The following P3H2 variants were observed in gnomAD, a reference collection of about 807,000 sequenced individuals.
P3H2 encodes the protein leprecan-like 1.
Under a neutral mutation model 87.0 loss-of-function variants are expected in P3H2, and 80 were observed. The observed-to-expected ratio is 0.92, with a 90% CI of 0.77 to 1.11. The LOEUF (loss-of-function observed/expected upper bound fraction) is 1.11, where lower values mean the gene tolerates loss of function less well. P3H2 is among the 50% of genes least tolerant of loss of function. The pLI is 0.00. For synonymous variants in P3H2, 367 were observed against 359.3 expected, an observed-to-expected ratio of 1.02 and a Z score of -0.24; for missense variants, 1,001 against 923.9, an observed-to-expected ratio of 1.08 and a Z score of -1.08.
chr3:189,986,432 A>G (rs1723699912), intron 6 of P3H2, among the ~76,000 whole-genome samples: 1 of 150,318 alleles, frequency 6.7e-6, no homozygotes, highest in Non-Finnish European at 1.5e-5. Context: ...TAAAAATACA[A>G]AAAAAAATTA....
At chr3:190,101,478 C>G (rs1285844440) in intron 1 of P3H2, among the ~76,000 whole-genome samples, 3 of 149,396 alleles carry the variant, frequency 2.0e-5, no homozygotes, top group Non-Finnish European at 4.4e-5. Context: ...ATGGAGAAAG[C>G]TTTAGTGGTC....
intron 7 of P3H2, chr3:189,983,579 T>C (rs1361256768): frequency 1.3e-5 from 2 of 158,338 alleles, no homozygotes; most frequent in African/African-American, 4.8e-5. Context: ...AGGTTTGTCA[T>C]ATGCAAACAC....
intron 1 of P3H2, among the ~76,000 whole-genome samples, chr3:190,040,590 C>A (rs1320263071): frequency 6.6e-6 from 1 of 152,086 alleles, no homozygotes; most frequent in East Asian, 1.9e-4. Flanking sequence ...CAAACATAGA[C>A]AGTAGTGTTT....
intron 1 of P3H2, among the ~76,000 whole-genome samples, chr3:190,117,555 G>A (rs1712337210): frequency 1.4e-5 from 1 of 69,620 alleles, no homozygotes; most frequent in Non-Finnish European, 2.5e-5. Context: ...CAGTCACATG[G>A]CAGGGAGTTC....
chr3:189,974,561 G>T lies in P3H2; in HGVS notation c.1449C>A (p.Ala483=). ...CCCTCCTTCTCCGGATCCTCACACT[G>T]GCCACGCTGTGGAGCTCCCGGCACT... ...EEQCRELHSV[A]SGIMLVGDGY... Residue 483 remains alanine (A), a synonymous_variant, in exon 9 of 15, where the codon GCC becomes GCA. Transcript: ENST00000319332. 1 of 1,613,642 alleles carries T rather than the reference G, an allele frequency of 6.2e-7. No homozygotes were observed.
At chr3:189,961,033 T>G (rs1336822852) in intron 14 of P3H2, among the ~76,000 whole-genome samples, 1 of 151,974 alleles carries the variant, frequency 6.6e-6, no homozygotes, top group East Asian at 1.9e-4. Context: ...CTCCACCTCC[T>G]GGATTCAAGT....
At chr3:190,001,737 A>G (rs2108928467) in intron 1 of P3H2, among the ~76,000 whole-genome samples, 1 of 151,720 alleles carries the variant, frequency 6.6e-6, no homozygotes, top group South Asian at 2.1e-4. Flanking sequence ...AACCTGTAAG[A>G]TGTGTGTGTG....
At position 190,120,240 on chromosome 3, in the gene P3H2, C is replaced by T. The variant is rs372127705; in HGVS notation, c.480+12G>A. 56 of 1,608,186 alleles carry T rather than the reference C, an allele frequency of 3.5e-5. No homozygotes were observed. The highest frequency in any genetic ancestry group is 4.4e-5 in the Non-Finnish European group (52 of 1,178,230). ...GCAGGGGCTTTGCAGTGGAGGAGCG[C>T]TCTGTGGGTACCTTGATGTAGGCCC... On this transcript the variant is annotated intron_variant, in intron 1 of 14. Transcript: ENST00000319332.
At chr3:190,079,056 T>C (rs1293019821) in intron 1 of P3H2, among the ~76,000 whole-genome samples, 1 of 152,008 alleles carries the variant, frequency 6.6e-6, no homozygotes, top group East Asian at 1.9e-4. Context: ...TAATCCATAT[T>C]TGAGCCAGGT....
chr3:190,008,112 T>G (rs2108932561), intron 1 of P3H2, among the ~76,000 whole-genome samples: 1 of 151,902 alleles, frequency 6.6e-6, no homozygotes, highest in South Asian at 2.1e-4. Flanking sequence ...CCTAATATAC[T>G]TACATGAATA....
chr3:190,118,696 T>G (rs76515555), intron 1 of P3H2, among the ~76,000 whole-genome samples: 1 of 152,066 alleles, frequency 6.6e-6, no homozygotes, highest in Non-Finnish European at 1.5e-5. Context: ...CCACCAACAG[T>G]TGCCAATCTG....
chr3:190,113,925 A>G (rs1015006087), intron 1 of P3H2, among the ~76,000 whole-genome samples: 1 of 151,580 alleles, frequency 6.6e-6, no homozygotes, highest in Non-Finnish European at 1.5e-5. Context: ...AAAATACAAA[A>G]AGAAATTAGC....
At chr3:189,963,159 G>A (rs1016636261) in intron 14 of P3H2, among the ~76,000 whole-genome samples, 2 of 152,136 alleles carry the variant, frequency 1.3e-5, no homozygotes, top group Admixed American at 1.3e-4. Flanking sequence ...TCATACCGCT[G>A]CAGCTCCACA....
chr3:190,064,747 C>A (rs968549637), intron 1 of P3H2, among the ~76,000 whole-genome samples: 1 of 151,938 alleles, frequency 6.6e-6, no homozygotes, highest in Admixed American at 6.6e-5. Flanking sequence ...TGAGTCATAC[C>A]GTATAGTTTT....
At chr3:190,019,370 G>A (rs1401665953) in intron 1 of P3H2, among the ~76,000 whole-genome samples, 2 of 152,312 alleles carry the variant, frequency 1.3e-5, no homozygotes, top group East Asian at 1.9e-4. Flanking sequence ...CAGAATACCT[G>A]AGAGAGTTTA....
Position 190,070,452 on chromosome 3 carries a change from G to C in P3H2, c.480+49800C>G, listed in dbSNP as rs62279646. ...TCACAGGAATATCAAGTCAGTTCCT[G>C]AAGTCATAAAAATGTGAAAGTGTCC... On this transcript the variant is annotated intron_variant, in intron 1 of 14. Coordinates refer to ENST00000319332, the MANE Select transcript of P3H2 (RefSeq NM_018192.4). Among the ~76,000 whole-genome samples, 1,229 of 152,230 alleles carry C rather than the reference G, an allele frequency of 8.1e-3. 8 individuals carry two copies. The highest frequency in any genetic ancestry group is 0.014 in the Non-Finnish European group (947 of 68,008).
In P3H2 at chr3:189,987,624, A is replaced by G. The variant is rs775964341; in HGVS notation, c.1001T>C (p.Leu334Pro). 1.2e-6 allele frequency: 2 copies of G among 1,614,218 alleles called. No individual in the cohort carries two copies. Among genetic ancestry groups the G allele is most frequent in the Non-Finnish European group, 1.7e-6 (2 of 1,180,034 alleles). The change falls in exon 5 of 15, where the codon CTA becomes CCA. Residue 334 changes from leucine to proline, a missense_variant. Leu to Pro is a moderately conservative substitution (Grantham distance 98). Transcript: ENST00000319332. ...KALECAKAYL[L>P]CHPDDEDVLD... ...GACATCCTCATCATCTGGATGGCATAGAAGATAGGCTTTGGCACACTCCAG... is the reference window on the plus strand; with the variant it reads ...GACATCCTCATCATCTGGATGGCATGGAAGATAGGCTTTGGCACACTCCAG...
At chr3:190,037,720 A>T (rs776776716) in intron 1 of P3H2, among the ~76,000 whole-genome samples, 6 of 152,242 alleles carry the variant, frequency 3.9e-5, no homozygotes, top group Admixed American at 1.3e-4. Context: ...GTCAATTTAT[A>T]AGCAATTTAA....
At chr3:190,114,239 G>A (rs186537932) in intron 1 of P3H2, among the ~76,000 whole-genome samples, 20,542 of 145,730 alleles carry the variant, frequency 0.14, 1,619 homozygotes, top group Middle Eastern at 0.22. Context: ...GCTGGAGTGC[G>A]GTGGCGCCAT....
Sources: allele counts gnomAD v4.1 joint callset (sites outside exome capture counted in the v4.1 genomes callset), GRCh38; gene constraint gnomAD v4.1.1; transcripts MANE v1.5; gene names NCBI Gene and HGNC (gene_info 2026-07-23, HGNC 2026-07-21).